SNX1: variants seen among roughly 807,000 people sequenced by gnomAD.
SNX1 encodes sorting nexin-1.
Under a neutral mutation model 71.8 loss-of-function variants are expected in SNX1, and 36 were observed. The ratio of observed to expected loss-of-function variants is 0.50; its 90% CI spans 0.38 to 0.66. The LOEUF is 0.66. SNX1 is among the 30% of genes least tolerant of loss of function. The pLI, the probability that SNX1 is intolerant of heterozygous loss-of-function variation, is 0.00. For missense variants in SNX1, 612 were observed against 646.7 expected, an observed-to-expected ratio of 0.95 and a Z score of 0.58; for synonymous variants, 254 against 240.7, an observed-to-expected ratio of 1.06 and a Z score of -0.51.
intron 14 of SNX1, 56 bp from the exon 15 acceptor site, chr15:64,137,512 G>T: frequency 6.2e-7 from 1 of 1,607,302 alleles, no homozygotes; most frequent in Non-Finnish European, 8.5e-7. Context: ...TCCCAGGCTG[G>T]CTTAGGCTCT....
chr15:64,118,921 C>A, intron 4 of SNX1, 67 bp downstream of exon 4: 1 of 1,218,170 alleles, frequency 8.2e-7, no homozygotes, highest in Non-Finnish European at 1.2e-6. Context: ...TAGCTAATTT[C>A]AGGATGGCTA....
chr15:64,118,316 T>C, intron 3 of SNX1, 72 bp downstream of exon 3: 3 of 1,481,252 alleles, frequency 2.0e-6, no homozygotes, highest in Non-Finnish European at 2.7e-6. Flanking sequence ...TGAAGTGTAG[T>C]TGAGTATGAA....
At position 64,144,050 on chromosome 15, in the gene SNX1, A is replaced by G. The variant is rs930087605; in HGVS notation, c.*6432A>G. The G allele has an allele frequency of 6.6e-6, 1 of 152,042 alleles. No individual in the cohort carries two copies. The highest frequency in any genetic ancestry group is 2.4e-5 in the African/African-American group (1 of 41,250). 9.4% of individuals were successfully genotyped at this position (152,042 alleles called of 1,614,324 possible). On this transcript the variant is annotated 3_prime_UTR_variant, in exon 15 of 15. Transcript: ENST00000559844. The surrounding 1 kb of genome is among the most constrained non-coding windows in gnomAD (Gnocchi z 4.3). Reference sequence around the variant, plus strand: ...GGTTATAGAATTGCATGATATTCACATTTATATAAAACTTTATATATGGGA... The same window carrying G: ...GGTTATAGAATTGCATGATATTCACGTTTATATAAAACTTTATATATGGGA...
At chr15:64,105,291 G>A (rs773035718) in intron 1 of SNX1, among the ~76,000 whole-genome samples, 4 of 152,050 alleles carry the variant, frequency 2.6e-5, no homozygotes, top group African/African-American at 9.7e-5. Context: ...TTTCTGTAAG[G>A]GTTGCCAACC....
intron 10 of SNX1, 98 bp downstream of exon 10, chr15:64,130,419 A>G (rs1241507629): frequency 1.8e-5 from 18 of 1,004,264 alleles, no homozygotes; most frequent in Non-Finnish European, 2.8e-5. Flanking sequence ...TCAGCCATCC[A>G]AGTTGAAATT....
intron 2 of SNX1, 72 bp from the exon 3 acceptor site, chr15:64,118,045 C>G (rs1342374984): frequency 6.9e-7 from 1 of 1,451,700 alleles, no homozygotes; most frequent in East Asian, 2.3e-5. Flanking sequence ...CTTGTAAGTT[C>G]TTAGCCTATA....
chr15:64,103,834 T>C (rs561431204), intron 1 of SNX1, among the ~76,000 whole-genome samples: 1 of 152,376 alleles, frequency 6.6e-6, no homozygotes, highest in Admixed American at 6.5e-5. Flanking sequence ...TTAATCAGAC[T>C]TCTGAAAGTG....
intron 4 of SNX1, among the ~76,000 whole-genome samples, chr15:64,119,699 G>C (rs1446384746): frequency 6.7e-6 from 1 of 150,124 alleles, no homozygotes; most frequent in African/African-American, 2.4e-5. Flanking sequence ...CCTCCATCCT[G>C]GGTGACAGAG....
intron 2 of SNX1, among the ~76,000 whole-genome samples, chr15:64,116,570 A>T (rs1429430071): frequency 1.3e-5 from 2 of 152,244 alleles, no homozygotes; most frequent in Non-Finnish European, 2.9e-5. Context: ...CTATAGGCAT[A>T]TATGCATAAA....
chr15:64,142,159 T>A lies in SNX1; in HGVS notation c.*4541T>A, dbSNP rs2081420441. On this transcript the variant is annotated 3_prime_UTR_variant, in exon 15 of 15. Coordinates refer to ENST00000559844, the MANE Select transcript of SNX1 (RefSeq NM_003099.5). Reference sequence around the variant, plus strand: ...TTTGAGACCAGCCTGGGGAATATAGTGAGACCCTGTCCCTACAAAAATAAA... The same window carrying A: ...TTTGAGACCAGCCTGGGGAATATAGAGAGACCCTGTCCCTACAAAAATAAA... 1 of 154,562 alleles carries A rather than the reference T, an allele frequency of 6.5e-6. No individual in the cohort carries two copies. The highest frequency in any genetic ancestry group is 2.4e-5 in the African/African-American group (1 of 41,474). 9.6% of individuals were successfully genotyped at this position (154,562 alleles called of 1,614,324 possible). A position where few individuals can be genotyped will look rare whatever the true frequency, so the allele number is the denominator to read the frequency against.
chr15:64,103,846 A>G (rs910653377), intron 1 of SNX1, among the ~76,000 whole-genome samples: 4 of 152,234 alleles, frequency 2.6e-5, no homozygotes, highest in African/African-American at 9.6e-5. Flanking sequence ...CTGAAAGTGA[A>G]TCTTTATAAC....
chr15:64,134,895 A>C lies in SNX1; in HGVS notation c.1365+88A>C. 1 of 1,527,616 alleles carries C rather than the reference A, an allele frequency of 6.5e-7. No individual in the cohort carries two copies. The highest frequency in any genetic ancestry group is 2.4e-5 in the East Asian group (1 of 41,742). 94.6% of individuals were successfully genotyped at this position (1,527,616 alleles called of 1,614,324 possible). ...ATCCCACCCAGAGGTTTGGAACCCCACAGGGGGAAGAGCGCTGATTGAGTC... is the reference window on the plus strand; with the variant it reads ...ATCCCACCCAGAGGTTTGGAACCCCCCAGGGGGAAGAGCGCTGATTGAGTC... On this transcript the variant is annotated intron_variant, in intron 12 of 14. Coordinates refer to ENST00000559844, the MANE Select transcript of SNX1 (RefSeq NM_003099.5). This position sits in a 1 kb window ranked among gnomAD's most constrained non-coding sequence, Gnocchi z 4.1.
intron 2 of SNX1, chr15:64,115,486 G>A (rs2081119506): frequency 5.5e-6 from 2 of 366,138 alleles, no homozygotes; most frequent in South Asian, 4.0e-5. Flanking sequence ...AGTTCAAAGA[G>A]AAAAGCATGT....
At chr15:64,097,702 C>T (rs1340898627) in intron 1 of SNX1, among the ~76,000 whole-genome samples, 1 of 152,214 alleles carries the variant, frequency 6.6e-6, no homozygotes, top group Non-Finnish European at 1.5e-5. Flanking sequence ...AATATTTACT[C>T]ATACCACTTG....
chr15:64,106,156 C>T (rs1483805735), intron 1 of SNX1, among the ~76,000 whole-genome samples: 1 of 152,014 alleles, frequency 6.6e-6, no homozygotes, highest in Non-Finnish European at 1.5e-5. Flanking sequence ...ATCTCAGGTA[C>T]TTCTATTATG....
chr15:64,138,326 T>TG lies in SNX1; in HGVS notation c.*708_*709insG. The TG allele has an allele frequency of 2.0e-5, 2 of 99,034 alleles. No homozygotes were observed. Among genetic ancestry groups the TG allele is most frequent in the Non-Finnish European group, 3.3e-5 (2 of 60,916 alleles). 6.1% of individuals were successfully genotyped at this position (99,034 alleles called of 1,614,324 possible). A position where few individuals can be genotyped will look rare whatever the true frequency, so the allele number is the denominator to read the frequency against. ...AGGAGGCAGAGACTTTCTCTCTCTC[T>TG]TTTTTTTTTTTTTTTGGTGTCCCTA... On this transcript the variant is annotated 3_prime_UTR_variant, in exon 15 of 15. Coordinates refer to ENST00000559844, the MANE Select transcript of SNX1 (RefSeq NM_003099.5).
At chr15:64,122,073 G>A (rs1016444013) in intron 4 of SNX1, among the ~76,000 whole-genome samples, 1 of 152,080 alleles carries the variant, frequency 6.6e-6, no homozygotes, top group Non-Finnish European at 1.5e-5. Flanking sequence ...CTCTTTTCAT[G>A]TACATTGCCT....
At chr15:64,118,042 G>A in intron 2 of SNX1, 75 bp from the exon 3 acceptor site, 1 of 1,423,510 alleles carries the variant, frequency 7.0e-7, no homozygotes. Flanking sequence ...GTTCTTGTAA[G>A]TTCTTAGCCT....
chr15:64,132,791 T>TA (rs1266490989), intron 11 of SNX1, among the ~76,000 whole-genome samples: 1 of 152,206 alleles, frequency 6.6e-6, no homozygotes, highest in Non-Finnish European at 1.5e-5. Flanking sequence ...GGCTGTCACT[T>TA]ACCCCGTGGT....
Sources: gnomAD v4.1 joint callset for allele counts (sites outside exome capture counted in the v4.1 genomes callset) on GRCh38, gnomAD v4.1.1 for gene constraint, Gnocchi (gnomAD v3.1) non-coding constraint, MANE v1.5 for transcripts, NCBI Gene and HGNC (gene_info 2026-07-23, HGNC 2026-07-21) for gene names.